Variants in HERC2 observed in about 807,000 individuals in gnomAD.
HERC2 encodes the protein E3 ubiquitin-protein ligase HERC2.
In HERC2, 102 loss-of-function variants were observed where a neutral mutation model predicts 537.7. That is an observed-to-expected ratio of 0.19 (90% CI 0.16 to 0.22). The LOEUF (loss-of-function observed/expected upper bound fraction) is 0.22, where lower values mean the gene tolerates loss of function less well. HERC2 is among the 10% of genes least tolerant of loss of function. The pLI is 1.00. For synonymous variants in HERC2, 2,224 were observed against 2,466.2 expected (o/e 0.90, Z 2.91); for missense variants, 4,236 against 6,198.2 (o/e 0.68, Z 10.63).
intron 88 of HERC2, 97 bp from the exon 89 acceptor site, chr15:28,115,638 G>A: frequency 1.3e-6 from 1 of 797,598 alleles, no homozygotes; most frequent in Non-Finnish European, 2.1e-6. Flanking sequence ...TCCACACTCA[G>A]GACTCAGAGC....
chr15:28,193,187 C>G (rs958440067), intron 52 of HERC2, among the ~76,000 whole-genome samples: 1 of 152,076 alleles, frequency 6.6e-6, no homozygotes, highest in Non-Finnish European at 1.5e-5. Flanking sequence ...AATGATAGGA[C>G]AGAAACAGAC....
At chr15:28,149,620 A>C (rs918035434) in intron 70 of HERC2, among the ~76,000 whole-genome samples, 3 of 152,118 alleles carry the variant, frequency 2.0e-5, no homozygotes, top group Non-Finnish European at 4.4e-5. Flanking sequence ...AACATCACCG[A>C]GAACGGCTGC....
intron 2 of HERC2, among the ~76,000 whole-genome samples, chr15:28,303,442 G>A (rs1174445039): frequency 6.6e-6 from 1 of 152,144 alleles, no homozygotes; most frequent in Admixed American, 6.5e-5. Flanking sequence ...AGCCAAAAAA[G>A]ACCAGGAAGT....
chr15:28,177,618 A>G lies in HERC2; in HGVS notation c.9164-109T>C. The G allele has an allele frequency of 1.1e-6, 1 of 892,082 alleles. No individual in the cohort carries two copies. Among genetic ancestry groups the G allele is most frequent in the Non-Finnish European group, 1.8e-6 (1 of 543,372 alleles). 55.3% of individuals were successfully genotyped at this position (892,082 alleles called of 1,614,324 possible). A position where few individuals can be genotyped will look rare whatever the true frequency, so the allele number is the denominator to read the frequency against. ...ATATAGCACACACTCAATGAGCGTG[A>G]GCTGAATAAATGAGTAACTCAACAG... On this transcript the variant is annotated intron_variant, in intron 59 of 92. Transcript: ENST00000261609. The surrounding 1 kb of genome is among the most constrained non-coding windows in gnomAD (Gnocchi z 5.0).
intron 2 of HERC2, among the ~76,000 whole-genome samples, chr15:28,314,008 T>C (rs59285055): frequency 9.4e-3 from 1,431 of 152,038 alleles, no homozygotes; most frequent in African/African-American, 0.033. Context: ...GAGTTAGAAG[T>C]AGACCAGCCT....
chr15:28,294,006 A>G (rs1048792654), intron 3 of HERC2, among the ~76,000 whole-genome samples: 4 of 152,224 alleles, frequency 2.6e-5, no homozygotes, highest in Non-Finnish European at 5.9e-5. Context: ...AATGTATCTC[A>G]ATCGGTGAAA....
At chr15:28,306,210 G>GTA (rs1567145827) in intron 2 of HERC2, among the ~76,000 whole-genome samples, 3 of 152,342 alleles carry the variant, frequency 2.0e-5, no homozygotes, top group African/African-American at 7.2e-5. Context: ...TGTGTCAGCT[G>GTA]TATATGGCTT....
intron 2 of HERC2, among the ~76,000 whole-genome samples, chr15:28,305,425 G>A (rs12324024): frequency 6.9e-6 from 1 of 144,472 alleles, no homozygotes; most frequent in Admixed American, 7.0e-5. Context: ...CAAGCAATGG[G>A]GAAAGGATTC....
intron 4 of HERC2, among the ~76,000 whole-genome samples, chr15:28,285,143 A>G (rs1192048289): frequency 2.6e-5 from 4 of 152,142 alleles, no homozygotes; most frequent in Non-Finnish European, 5.9e-5. Flanking sequence ...TAAAATTAGA[A>G]GACAGAAAAG....
At chr15:28,189,222 T>C (rs919007908) in intron 55 of HERC2, among the ~76,000 whole-genome samples, 6 of 152,232 alleles carry the variant, frequency 3.9e-5, no homozygotes, top group African/African-American at 1.4e-4. Flanking sequence ...TCAGGAGTTT[T>C]CCATTTACCT....
At position 28,111,848 on chromosome 15, in the gene HERC2, G is replaced by T. The variant is rs1300325322; in HGVS notation, c.14420C>A (p.Ala4807Asp). ...ARIALTGEPAADDSSDDSDNE... is the reference protein window; with the variant it reads ...ARIALTGEPADDDSSDDSDNE... Reference sequence around the variant, plus strand: ...ATCTGAATCGTCGCTGCTGTCGTCGGCGGCTGGCTCTCCTGTAAGTGCGAT... The same window carrying T: ...ATCTGAATCGTCGCTGCTGTCGTCGTCGGCTGGCTCTCCTGTAAGTGCGAT... The change falls in exon 93 of 93, where the codon GCC becomes GAC. Residue 4807 changes from alanine (A) to aspartate (D), a missense_variant. By Grantham distance (126) the Ala-to-Asp change is moderately radical. Around this residue, in one of 27 missense-constraint regions of HERC2, gnomAD observed 313 missense variants for 462.6 expected, o/e 0.68. Transcript: ENST00000261609. The T allele has an allele frequency of 1.2e-6, 2 of 1,614,188 alleles. No homozygotes were observed. The highest frequency in any genetic ancestry group is 2.7e-5 in the African/African-American group (2 of 75,038).
At chr15:28,231,341 T>A (rs1359469902) in intron 30 of HERC2, among the ~76,000 whole-genome samples, 1 of 151,968 alleles carries the variant, frequency 6.6e-6, no homozygotes, top group South Asian at 2.1e-4. Context: ...GCCTGAGAAG[T>A]TTTTTGGTAT....
At chr15:28,252,384 CAA>C (rs776898554) in intron 20 of HERC2, among the ~76,000 whole-genome samples, 1 of 152,098 alleles carries the variant, frequency 6.6e-6, no homozygotes, top group East Asian at 1.9e-4. Context: ...CACCCCCTGC[CAA>C]AGACACCAAT....
intron 56 of HERC2, among the ~76,000 whole-genome samples, chr15:28,184,688 C>G (rs1347108682): frequency 6.6e-6 from 1 of 151,510 alleles, no homozygotes; most frequent in South Asian, 2.1e-4. Context: ...GGTGAAAGCC[C>G]GTCTCTACTA....
At chr15:28,260,032 C>A (rs1244079209) in intron 16 of HERC2, among the ~76,000 whole-genome samples, 2 of 140,538 alleles carry the variant, frequency 1.4e-5, no homozygotes, top group Non-Finnish European at 3.1e-5. Flanking sequence ...CCAAGTAACA[C>A]AAGGCTTGAT....
chr15:28,169,462 A>G (rs752115919), intron 66 of HERC2, 22 bp downstream of exon 66: 2 of 1,531,512 alleles, frequency 1.3e-6, no homozygotes, highest in Non-Finnish European at 1.8e-6. Flanking sequence ...GCAGAATTTC[A>G]AAAATTAGCA....
In HERC2 at chr15:28,191,616, A is replaced by C. The variant is rs192208338; in HGVS notation, c.8451+345T>G. 4.9e-4 allele frequency among the ~76,000 whole-genome samples: 75 copies of C among 152,310 alleles called. No homozygotes were observed. The East Asian group carries it at 9.7e-3, about 20-fold the overall frequency. On this transcript the variant is annotated intron_variant, in intron 53 of 92. Coordinates refer to ENST00000261609, the MANE Select transcript of HERC2 (RefSeq NM_004667.6). ...TTGGTGTAATCACAACAGCACTCCA[A>C]TGTGCAACACAAATTTGCTAGACTA...
At chr15:28,170,445 G>C (rs1268221032) in intron 65 of HERC2, among the ~76,000 whole-genome samples, 1 of 152,224 alleles carries the variant, frequency 6.6e-6, no homozygotes, top group Non-Finnish European at 1.5e-5. Flanking sequence ...TGGTGGTGGA[G>C]CAACTGGACG....
chr15:28,131,922 T>C (rs1890149329), intron 81 of HERC2, among the ~76,000 whole-genome samples, 178 bp downstream of exon 81: 1 of 152,128 alleles, frequency 6.6e-6, no homozygotes, highest in Non-Finnish European at 1.5e-5. Flanking sequence ...ACACACTTTC[T>C]AGCCAATTAC....
Sources: allele counts gnomAD v4.1 joint callset (sites outside exome capture counted in the v4.1 genomes callset), GRCh38; gene constraint gnomAD v4.1.1; regional missense constraint gnomAD v4.1.1; non-coding constraint Gnocchi (gnomAD v3.1); transcripts MANE v1.5; gene names NCBI Gene and HGNC (gene_info 2026-07-23, HGNC 2026-07-21).